The following NOVA1 variants were observed in gnomAD, a reference collection of about 807,000 sequenced individuals.
The protein encoded by NOVA1 is NOVA alternative splicing regulator 1.
Under a neutral mutation model 38.0 loss-of-function variants are expected in NOVA1, and 7 were observed. The ratio of observed to expected loss-of-function variants is 0.18; its 90% confidence interval spans 0.10 to 0.35. The LOEUF is 0.35. Among genes scored for constraint, NOVA1 ranks in the 10% least tolerant of loss-of-function variants. The probability of loss-of-function intolerance (pLI) is 1.00; values close to 1 mark genes in which losing one functional copy is unlikely to be tolerated. For synonymous variants in NOVA1, 270 were observed against 232.5 expected (o/e 1.16, Z -1.47); for missense variants, 460 against 616.0 (o/e 0.75, Z 2.68).
At chr14:26,522,417 G>A (rs1322333732) in intron 2 of NOVA1, among the ~76,000 whole-genome samples, 1 of 152,086 alleles carries the variant, frequency 6.6e-6, no homozygotes, top group South Asian at 2.1e-4. Flanking sequence ...TGTAACCTGT[G>A]ATTCAAAAAC....
rs1226500524 is a variant in NOVA1 at position 26,445,538 on chromosome 14, A to C, written c.*2421T>G. On this transcript the variant is annotated 3_prime_UTR_variant, in exon 5 of 5. Coordinates refer to ENST00000539517, the MANE Select transcript of NOVA1 (RefSeq NM_002515.3). The stretch of plus-strand genomic sequence containing the variant: ...TTTCAGCAACACTAGCTAATAAAAC[A>C]CACATAATTGTTTAAATGGTTTGGC... 1 of 152,242 alleles carries C rather than the reference A, an allele frequency of 6.6e-6. No homozygotes were observed. The highest frequency in any genetic ancestry group is 1.5e-5 in the Non-Finnish European group (1 of 68,046). 9.4% of individuals were successfully genotyped at this position (152,242 alleles called of 1,614,324 possible). A position where few individuals can be genotyped will look rare whatever the true frequency, so the allele number is the denominator to read the frequency against.
intron 2 of NOVA1, among the ~76,000 whole-genome samples, chr14:26,545,264 T>C (rs1307554659): frequency 6.6e-6 from 1 of 151,720 alleles, no homozygotes. Context: ...AGAAAATATA[T>C]AAGTGAGGAA....
chr14:26,531,416 T>C (rs947166653), intron 2 of NOVA1, among the ~76,000 whole-genome samples: 27 of 152,144 alleles, frequency 1.8e-4, no homozygotes, highest in African/African-American at 5.6e-4. Context: ...GAGATCAGCC[T>C]GACCAACATG....
At position 26,469,165 on chromosome 14, in the gene NOVA1, T is replaced by C. The variant is rs975368361; in HGVS notation, c.519+3155A>G. 1.3e-4 allele frequency among the ~76,000 whole-genome samples: 20 copies of C among 152,222 alleles called. 1 individual carries two copies. The highest frequency in any genetic ancestry group is 2.9e-4 in the Non-Finnish European group (20 of 68,038). On this transcript the variant is annotated intron_variant, in intron 4 of 4. Transcript: ENST00000539517. ...AATATCAAACTTGTACCTTACAATA[T>C]GAAACACATGCACAGAAATACAAGT...
At chr14:26,530,183 G>T (rs546817736) in intron 2 of NOVA1, among the ~76,000 whole-genome samples, 2 of 152,324 alleles carry the variant, frequency 1.3e-5, no homozygotes, top group Admixed American at 1.3e-4. Flanking sequence ...CTTCCAAAGT[G>T]CTGCGATTAC....
At chr14:26,496,903 A>G (rs1294823134) in intron 2 of NOVA1, among the ~76,000 whole-genome samples, 1 of 152,070 alleles carries the variant, frequency 6.6e-6, no homozygotes, top group Non-Finnish European at 1.5e-5. Context: ...GTAGCCTTGT[A>G]GTATAGTTTA....
intron 4 of NOVA1, among the ~76,000 whole-genome samples, chr14:26,459,003 T>C (rs529102709): frequency 6.6e-6 from 1 of 152,180 alleles, no homozygotes; most frequent in Admixed American, 6.5e-5. Flanking sequence ...AGTTTATTTT[T>C]ATACAATTAG....
intron 2 of NOVA1, among the ~76,000 whole-genome samples, chr14:26,512,801 T>G (rs1038488229): frequency 9.4e-5 from 14 of 149,512 alleles, no homozygotes; most frequent in Admixed American, 6.1e-4. Context: ...TTACTTGAAG[T>G]GCTACAAAAC....
intron 2 of NOVA1, among the ~76,000 whole-genome samples, chr14:26,503,425 A>G: frequency 6.6e-6 from 1 of 152,214 alleles, no homozygotes; most frequent in Non-Finnish European, 1.5e-5. Flanking sequence ...TTCATTTTCA[A>G]TTGTATTAAA....
At chr14:26,577,905 C>CTGAT (rs1291755862) in intron 2 of NOVA1, among the ~76,000 whole-genome samples, 2 of 151,208 alleles carry the variant, frequency 1.3e-5, no homozygotes, top group Non-Finnish European at 2.9e-5. Context: ...ATTTGGTAGT[C>CTGAT]ATCAAAGAAC....
At chr14:26,478,460 T>C (rs1400802918) in intron 3 of NOVA1, among the ~76,000 whole-genome samples, 1 of 151,972 alleles carries the variant, frequency 6.6e-6, no homozygotes, top group African/African-American at 2.4e-5. Flanking sequence ...GAGGAACTTA[T>C]AGGCTGGATT....
chr14:26,586,576 T>G (rs1224137781), intron 2 of NOVA1, among the ~76,000 whole-genome samples: 2 of 151,148 alleles, frequency 1.3e-5, no homozygotes, highest in Non-Finnish European at 3.0e-5. Flanking sequence ...TTAGCCTACT[T>G]TTTTAATAAG....
chr14:26,486,047 CTTA>C (rs1246710351), intron 2 of NOVA1, among the ~76,000 whole-genome samples: 3 of 152,064 alleles, frequency 2.0e-5, no homozygotes, highest in South Asian at 2.1e-4. Flanking sequence ...ATAACTGCTA[CTTA>C]TTATGCAGAG....
intron 3 of NOVA1, 117 bp downstream of exon 3, chr14:26,479,860 G>T (rs1885307377): frequency 1.2e-5 from 13 of 1,042,236 alleles, no homozygotes; most frequent in Non-Finnish European, 1.8e-5. Context: ...GACAACTCTG[G>T]TATGTTTTAT....
chr14:26,516,478 A>G (rs561302407), intron 2 of NOVA1, among the ~76,000 whole-genome samples: 168 of 152,230 alleles, frequency 1.1e-3, no homozygotes, highest in African/African-American at 3.5e-3. Flanking sequence ...CTTTTCCCCA[A>G]CAGCTATGTT....
At chr14:26,536,580 C>G (rs551145760) in intron 2 of NOVA1, among the ~76,000 whole-genome samples, 2 of 149,752 alleles carry the variant, frequency 1.3e-5, no homozygotes, top group South Asian at 2.1e-4. Context: ...AAAAATAAAG[C>G]GAGAACTTCT....
At chr14:26,543,659 G>T (rs535247853) in intron 2 of NOVA1, among the ~76,000 whole-genome samples, 1 of 152,094 alleles carries the variant, frequency 6.6e-6, no homozygotes, top group African/African-American at 2.4e-5. Flanking sequence ...ACAAGGCATG[G>T]AATTACAGAA....
chr14:26,450,466 T>C (rs1882574246), intron 4 of NOVA1, among the ~76,000 whole-genome samples: 1 of 152,138 alleles, frequency 6.6e-6, no homozygotes, highest in Admixed American at 6.6e-5. Flanking sequence ...TTTGTTTCAT[T>C]ACAATTTATT....
chr14:26,462,222 G>A (rs1195955407), intron 4 of NOVA1, among the ~76,000 whole-genome samples: 2 of 151,950 alleles, frequency 1.3e-5, no homozygotes, highest in Non-Finnish European at 2.9e-5. Context: ...GATTTAAGTT[G>A]TATTAATTAG....
Sources: gnomAD v4.1 joint callset for allele counts (sites outside exome capture counted in the v4.1 genomes callset) on GRCh38, gnomAD v4.1.1 for gene constraint, MANE v1.5 for transcripts, NCBI Gene and HGNC (gene_info 2026-07-23, HGNC 2026-07-21) for gene names.